The following EPHB1 variants were observed in gnomAD, a reference collection of about 807,000 sequenced individuals.
The protein encoded by EPHB1 is EPH receptor B1.
A neutral mutation model predicts 94.4 loss-of-function variants in EPHB1; 30 were observed. That is an observed-to-expected ratio of 0.32 (90% CI 0.24 to 0.43). The LOEUF (loss-of-function observed/expected upper bound fraction) is 0.43. Among genes scored for constraint, EPHB1 ranks in the 20% least tolerant of loss-of-function variants. EPHB1 has a pLI of 1.00. For synonymous variants in EPHB1, 522 were observed against 489.1 expected (o/e 1.07, Z -0.89); for missense variants, 1,055 against 1,308.3 (o/e 0.81, Z 2.99).
intron 1 of EPHB1, among the ~76,000 whole-genome samples, chr3:134,862,005 CA>C (rs2037272488): frequency 6.6e-6 from 1 of 152,300 alleles, no homozygotes; most frequent in Middle Eastern, 3.4e-3. Context: ...ATGAACTTAG[CA>C]GCCTCCCATG....
chr3:135,217,456 A>G lies in EPHB1; in HGVS notation c.2346+15767A>G, dbSNP rs1007858222. Among the ~76,000 whole-genome samples, 515 of 146,558 alleles carry G rather than the reference A, an allele frequency of 3.5e-3. 2 individuals are homozygous for G. Among genetic ancestry groups the G allele is most frequent in the African/African-American group, 0.012 (431 of 37,246 alleles). Reference sequence around the variant, plus strand: ...CACACACACACACACACACACACACACACACACACACGCACACGGGGAGAG... The same window carrying G: ...CACACACACACACACACACACACACGCACACACACACGCACACGGGGAGAG... On this transcript the variant is annotated intron_variant, in intron 12 of 15. Transcript: ENST00000398015.
At chr3:134,970,465 C>T (rs569531131) in intron 3 of EPHB1, among the ~76,000 whole-genome samples, 122 of 152,324 alleles carry the variant, frequency 8.0e-4, no homozygotes, top group African/African-American at 2.9e-3. Context: ...AGCCTCCCAT[C>T]TCCCTCCATG....
intron 8 of EPHB1, among the ~76,000 whole-genome samples, chr3:135,166,619 A>T (rs1182030746): frequency 1.3e-5 from 2 of 152,258 alleles, no homozygotes; most frequent in African/African-American, 4.8e-5. Context: ...CCTCCCAAGC[A>T]GTTCTGCAAT....
At chr3:134,975,782 G>T (rs902330480) in intron 3 of EPHB1, among the ~76,000 whole-genome samples, 1 of 151,782 alleles carries the variant, frequency 6.6e-6, no homozygotes, top group Non-Finnish European at 1.5e-5. Flanking sequence ...AAGAGGGCAG[G>T]GGGGGAGTGA....
intron 3 of EPHB1, among the ~76,000 whole-genome samples, chr3:135,032,219 T>C (rs1311962745): frequency 2.0e-5 from 3 of 152,062 alleles, no homozygotes; most frequent in South Asian, 2.1e-4. Flanking sequence ...TAGTAAGATA[T>C]GAGACTTCTC....
At chr3:135,040,580 GTGTT>G (rs898028868) in intron 3 of EPHB1, among the ~76,000 whole-genome samples, 3 of 152,244 alleles carry the variant, frequency 2.0e-5, no homozygotes, top group African/African-American at 7.2e-5. Context: ...GTCCACATGC[GTGTT>G]TGTGTGCCCT....
intron 1 of EPHB1, among the ~76,000 whole-genome samples, chr3:134,909,737 C>A (rs1157817902): frequency 6.6e-6 from 1 of 152,140 alleles, no homozygotes; most frequent in African/African-American, 2.4e-5. Context: ...AGGCCACAGC[C>A]CCTCAAGAAA....
At chr3:135,257,212 C>G (rs993722362) in intron 15 of EPHB1, among the ~76,000 whole-genome samples, 3 of 152,152 alleles carry the variant, frequency 2.0e-5, no homozygotes, top group Admixed American at 2.0e-4. Context: ...CTTCTTCTCT[C>G]AACTCGTCAA....
At chr3:134,805,787 A>G (rs1407509423) in intron 1 of EPHB1, among the ~76,000 whole-genome samples, 1 of 152,046 alleles carries the variant, frequency 6.6e-6, no homozygotes, top group Non-Finnish European at 1.5e-5. Context: ...AGAATTCACC[A>G]CAGTGATCGC....
chr3:134,799,131 G>A (rs2035887753), intron 1 of EPHB1, among the ~76,000 whole-genome samples: 1 of 152,220 alleles, frequency 6.6e-6, no homozygotes, highest in African/African-American at 2.4e-5. Context: ...CCTTTGTGGC[G>A]TGCCCCAACG....
intron 14 of EPHB1, 133 bp from the exon 15 acceptor site, chr3:135,249,203 A>G (rs1932955711): frequency 9.6e-7 from 1 of 1,044,488 alleles, no homozygotes; most frequent in African/African-American, 1.6e-5. Context: ...AGAAAGGTTC[A>G]GCCCAGGGCT....
intron 1 of EPHB1, among the ~76,000 whole-genome samples, chr3:134,876,627 AG>A (rs1290864205): frequency 1.3e-5 from 2 of 152,120 alleles, no homozygotes; most frequent in Admixed American, 6.5e-5. Context: ...TGCCAGCAAA[AG>A]GCTGCAGGGA....
intron 2 of EPHB1, among the ~76,000 whole-genome samples, chr3:134,943,152 C>T (rs2039152431): frequency 6.6e-6 from 1 of 152,208 alleles, no homozygotes; most frequent in Non-Finnish European, 1.5e-5. Flanking sequence ...CCTCACTCTG[C>T]CCATTTGTCA....
intron 4 of EPHB1, among the ~76,000 whole-genome samples, chr3:135,114,972 TTACTCTA>T (rs1939631025): frequency 6.6e-6 from 1 of 152,182 alleles, no homozygotes; most frequent in South Asian, 2.1e-4. Context: ...AAATCTAGGT[TTACTCTA>T]TACTCTATAC....
chr3:134,828,225 G>A (rs1372741175), intron 1 of EPHB1, among the ~76,000 whole-genome samples: 1 of 152,182 alleles, frequency 6.6e-6, no homozygotes, highest in Non-Finnish European at 1.5e-5. Flanking sequence ...TTGGTGAAGG[G>A]TTGTTGAAAA....
intron 15 of EPHB1, among the ~76,000 whole-genome samples, chr3:135,251,691 T>C (rs1933106244): frequency 6.6e-6 from 1 of 152,164 alleles, no homozygotes; most frequent in African/African-American, 2.4e-5. Context: ...CATGAACACT[T>C]TGAGCATCTC....
chr3:135,174,921 A>G (rs567034436), intron 9 of EPHB1, among the ~76,000 whole-genome samples: 1 of 152,278 alleles, frequency 6.6e-6, no homozygotes, highest in East Asian at 1.9e-4. Context: ...CTGAAACCAT[A>G]CTGTGGAATT....
At chr3:135,249,875 A>C (rs1932996986) in intron 15 of EPHB1, among the ~76,000 whole-genome samples, 1 of 152,132 alleles carries the variant, frequency 6.6e-6, no homozygotes, top group Non-Finnish European at 1.5e-5. Context: ...ACAGTCTGAG[A>C]TATGTGGGGA....
At chr3:135,120,144 C>G (rs1216136340) in intron 4 of EPHB1, among the ~76,000 whole-genome samples, 3 of 152,164 alleles carry the variant, frequency 2.0e-5, no homozygotes, top group Non-Finnish European at 2.9e-5. Context: ...TGACAAATGT[C>G]ATTAAACAAT....
Sources: allele counts gnomAD v4.1 joint callset (sites outside exome capture counted in the v4.1 genomes callset), GRCh38; gene constraint gnomAD v4.1.1; transcripts MANE v1.5; gene names NCBI Gene and HGNC (gene_info 2026-07-23, HGNC 2026-07-21).